TRABD2B: variants seen among roughly 807,000 people sequenced by gnomAD.
TRABD2B encodes TraB domain containing 2B, also known as metalloprotease TIKI2.
A neutral mutation model predicts 40.1 loss-of-function variants in TRABD2B; 14 were observed. That is an observed-to-expected ratio of 0.35 (90% CI 0.23 to 0.55). The LOEUF (loss-of-function observed/expected upper bound fraction) is 0.55. Ranked by LOEUF, TRABD2B falls within the 20% of genes least tolerant of loss-of-function variation. The pLI, the probability that TRABD2B is intolerant of heterozygous loss-of-function variation, is 0.90. For missense variants in TRABD2B, 541 were observed against 648.6 expected (o/e 0.83, Z 1.80); for synonymous variants, 263 against 277.0 (o/e 0.95, Z 0.50).
chr1:47,986,112 T>C (rs1645915529), intron 2 of TRABD2B, among the ~76,000 whole-genome samples: 1 of 152,188 alleles, frequency 6.6e-6, no homozygotes, highest in South Asian at 2.1e-4. Context: ...GAAGATCATG[T>C]GTGCTCTGGA....
At chr1:47,803,001 A>C (rs1039478434) in intron 2 of TRABD2B, among the ~76,000 whole-genome samples, 3 of 151,890 alleles carry the variant, frequency 2.0e-5, no homozygotes, top group African/African-American at 7.3e-5. Context: ...TAAAATACTC[A>C]GCATTCCTTC....
At chr1:47,989,711 CTCTT>C (rs1374638121) in intron 2 of TRABD2B, among the ~76,000 whole-genome samples, 2 of 152,074 alleles carry the variant, frequency 1.3e-5, no homozygotes, top group East Asian at 1.9e-4. Flanking sequence ...TTCTCTCTCT[CTCTT>C]TTTCGGCAAG....
At chr1:47,768,338 G>A (rs1449337494) in intron 6 of TRABD2B, among the ~76,000 whole-genome samples, 1 of 148,646 alleles carries the variant, frequency 6.7e-6, no homozygotes, top group Non-Finnish European at 1.5e-5. Context: ...AGTGGGGGGG[G>A]AGGGCCAGGT....
intron 2 of TRABD2B, among the ~76,000 whole-genome samples, chr1:47,903,038 G>A (rs1332552206): frequency 1.3e-5 from 2 of 152,094 alleles, no homozygotes; most frequent in East Asian, 3.9e-4. Flanking sequence ...GGTTCATGAA[G>A]CCACTCAAGA....
At chr1:47,978,077 A>G (rs1022372809) in intron 2 of TRABD2B, among the ~76,000 whole-genome samples, 1 of 152,100 alleles carries the variant, frequency 6.6e-6, no homozygotes, top group African/African-American at 2.4e-5. Context: ...TATACGTTGA[A>G]ACCTAATCCC....
At position 47,765,596 on chromosome 1, in the gene TRABD2B, C is replaced by A; in HGVS notation, c.*306G>T. The A allele has an allele frequency of 2.5e-6, 1 of 401,584 alleles. No individual in the cohort carries two copies. Among genetic ancestry groups the A allele is most frequent in the Non-Finnish European group, 4.6e-6 (1 of 217,490 alleles). 24.9% of individuals were successfully genotyped at this position (401,584 alleles called of 1,614,324 possible). ...CCCGGGTTCCCCTCCCGGGCCAGCA[C>A]TAGGGCTAGGGGGTTATAACACAGG... On this transcript the variant is annotated 3_prime_UTR_variant, in exon 7 of 7. Transcript: ENST00000606738.
chr1:47,844,637 A>C (rs1449282722), intron 2 of TRABD2B, among the ~76,000 whole-genome samples: 1 of 152,204 alleles, frequency 6.6e-6, no homozygotes, highest in Non-Finnish European at 1.5e-5. Context: ...AATGAACTAA[A>C]TTCTTCACAG....
intron 2 of TRABD2B, among the ~76,000 whole-genome samples, chr1:47,887,041 CCT>C (rs1296599554): frequency 3.3e-5 from 5 of 151,968 alleles, no homozygotes; most frequent in Non-Finnish European, 5.9e-5. Flanking sequence ...TAAACCCTTC[CCT>C]CTCTAAGTCT....
intron 3 of TRABD2B, among the ~76,000 whole-genome samples, chr1:47,796,520 C>A (rs963134922): frequency 7.2e-5 from 11 of 152,310 alleles, no homozygotes; most frequent in Admixed American, 3.9e-4. Context: ...GGAGGCTGAG[C>A]CCTAAGGGAC....
intron 6 of TRABD2B, among the ~76,000 whole-genome samples, chr1:47,769,518 G>T (rs12039829): frequency 1.3e-5 from 2 of 152,186 alleles, no homozygotes; most frequent in Non-Finnish European, 2.9e-5. Context: ...GTGGGTGGGG[G>T]GTGTGGAGGA....
intron 2 of TRABD2B, among the ~76,000 whole-genome samples, chr1:47,879,468 C>G (rs1644271396): frequency 6.6e-6 from 1 of 152,172 alleles, no homozygotes; most frequent in Admixed American, 6.5e-5. Flanking sequence ...CTATATCAGA[C>G]AGCCTAGGTG....
At chr1:47,794,481 C>T in intron 4 of TRABD2B, 105 bp downstream of exon 4, 1 of 1,300,034 alleles carries the variant, frequency 7.7e-7, no homozygotes, top group African/African-American at 1.5e-5. Flanking sequence ...TTTTCCTGCC[C>T]CATCCTGGGC....
chr1:47,987,760 C>T (rs1275787094), intron 2 of TRABD2B, among the ~76,000 whole-genome samples: 2 of 152,180 alleles, frequency 1.3e-5, no homozygotes, highest in Non-Finnish European at 2.9e-5. Context: ...AGGGGACACC[C>T]GGTGATGGAC....
intron 2 of TRABD2B, among the ~76,000 whole-genome samples, chr1:47,824,316 G>C (rs1034541764): frequency 6.6e-6 from 1 of 152,194 alleles, no homozygotes; most frequent in African/African-American, 2.4e-5. Context: ...GCAGGTCTGG[G>C]GGGAATCTTT....
At chr1:47,941,984 A>G (rs1322978960) in intron 2 of TRABD2B, among the ~76,000 whole-genome samples, 1 of 152,242 alleles carries the variant, frequency 6.6e-6, no homozygotes, top group Non-Finnish European at 1.5e-5. Context: ...CCATTGTCAA[A>G]TTAATACTTA....
intron 2 of TRABD2B, among the ~76,000 whole-genome samples, chr1:47,953,032 G>C (rs182067755): frequency 1.2e-4 from 19 of 152,220 alleles, no homozygotes; most frequent in African/African-American, 4.6e-4. Flanking sequence ...CAATCCATGG[G>C]GCAACTCAGC....
At chr1:47,983,591 T>C (rs1269019140) in intron 2 of TRABD2B, among the ~76,000 whole-genome samples, 1 of 152,072 alleles carries the variant, frequency 6.6e-6, no homozygotes, top group Non-Finnish European at 1.5e-5. Context: ...TCCACAGCTC[T>C]TCCAGCTGCA....
chr1:47,902,365 G>A lies in TRABD2B; in HGVS notation c.666+91669C>T, dbSNP rs1216209427. On this transcript the variant is annotated intron_variant, in intron 2 of 6. Transcript: ENST00000606738. ...TCTGAGTTCCCAGGGTGACTGCCAAGTAGATGGGCAAACAGGGGGTCCAGA... is the reference window on the plus strand; with the variant it reads ...TCTGAGTTCCCAGGGTGACTGCCAAATAGATGGGCAAACAGGGGGTCCAGA... Among the ~76,000 whole-genome samples, 5 of 152,204 alleles carry A rather than the reference G, an allele frequency of 3.3e-5. No homozygotes were observed. In the East Asian group the frequency reaches 9.6e-4, roughly 29 times the overall value.
At chr1:47,871,657 G>T (rs192242720) in intron 2 of TRABD2B, among the ~76,000 whole-genome samples, 11 of 152,296 alleles carry the variant, frequency 7.2e-5, no homozygotes, top group Admixed American at 4.6e-4. Flanking sequence ...AGCTAACCCT[G>T]CCCACTTCAC....
Sources: gnomAD v4.1 joint callset for allele counts (sites outside exome capture counted in the v4.1 genomes callset) on GRCh38, gnomAD v4.1.1 for gene constraint, MANE v1.5 for transcripts, NCBI Gene and HGNC (gene_info 2026-07-23, HGNC 2026-07-21) for gene names.